The following MARCHF3 variants were observed in gnomAD, a reference collection of about 807,000 sequenced individuals.
MARCHF3 encodes membrane associated ring-CH-type finger 3.
Under a neutral mutation model 24.2 loss-of-function variants are expected in MARCHF3, and 13 were observed. The observed-to-expected ratio is 0.54, with a 90% CI of 0.35 to 0.85. The LOEUF is 0.85. Ranked by LOEUF, MARCHF3 falls within the 40% of genes least tolerant of loss-of-function variation. The pLI, the probability that MARCHF3 is intolerant of heterozygous loss-of-function variation, is 0.01. For missense variants in MARCHF3, 276 were observed against 325.0 expected, an observed-to-expected ratio of 0.85 and a Z score of 1.16; for synonymous variants, 144 against 137.3, an observed-to-expected ratio of 1.05 and a Z score of -0.34.
At chr5:126,941,532 A>AAC (rs1749830582) in intron 1 of MARCHF3, among the ~76,000 whole-genome samples, 1 of 152,214 alleles carries the variant, frequency 6.6e-6, no homozygotes, top group South Asian at 2.1e-4. Flanking sequence ...TCAAAACTGA[A>AAC]GTCAAAGTAT....
intron 1 of MARCHF3, among the ~76,000 whole-genome samples, chr5:126,933,445 C>CTT (rs1452737485): frequency 1.2e-4 from 17 of 137,946 alleles, no homozygotes; most frequent in Non-Finnish European, 1.4e-4. Flanking sequence ...TTTGGTATCT[C>CTT]TTTTTTTTTT....
chr5:126,943,407 G>A (rs1226908114), intron 1 of MARCHF3, among the ~76,000 whole-genome samples: 1 of 151,946 alleles, frequency 6.6e-6, no homozygotes, highest in Admixed American at 6.6e-5. Flanking sequence ...CGGAGATCCC[G>A]TCTATACAAA....
intron 3 of MARCHF3, among the ~76,000 whole-genome samples, chr5:126,900,995 C>T (rs1485794899): frequency 2.0e-5 from 3 of 152,018 alleles, no homozygotes; most frequent in Non-Finnish European, 2.9e-5. Flanking sequence ...CATGAGCCAC[C>T]GTGCCTGGAC....
At chr5:126,967,297 G>A (rs774267783) in intron 1 of MARCHF3, among the ~76,000 whole-genome samples, 10 of 152,172 alleles carry the variant, frequency 6.6e-5, no homozygotes, top group East Asian at 1.9e-4. Flanking sequence ...TGGCATACAC[G>A]ATATGCGATT....
chr5:126,946,763 T>TGTGTGG (rs767907091), intron 1 of MARCHF3, among the ~76,000 whole-genome samples: 3 of 120,002 alleles, frequency 2.5e-5, no homozygotes, highest in Non-Finnish European at 5.6e-5. Context: ...TAAGTAGGGG[T>TGTGTGG]GTGTGTGTGT....
intron 1 of MARCHF3, among the ~76,000 whole-genome samples, chr5:126,998,162 T>C (rs970272159): frequency 6.6e-6 from 1 of 152,200 alleles, no homozygotes; most frequent in Non-Finnish European, 1.5e-5. Flanking sequence ...ACAAGTAAAT[T>C]AGAAAACTCC....
At chr5:126,986,853 G>A (rs1055706252) in intron 1 of MARCHF3, among the ~76,000 whole-genome samples, 1 of 152,202 alleles carries the variant, frequency 6.6e-6, no homozygotes, top group African/African-American at 2.4e-5. Context: ...AAAAAGACAT[G>A]AGAGTGATGC....
At position 126,985,309 on chromosome 5, in the gene MARCHF3, T is replaced by C. The variant is rs913943961; in HGVS notation, c.-57+45041A>G. On this transcript the variant is annotated intron_variant, in intron 1 of 4. Transcript: ENST00000308660. ...TATTACTTTTCATCTGGTCATTTAA[T>C]TAAACCACAATCTGACTTTTGAAAA... Among the ~76,000 whole-genome samples, 19 of 152,156 alleles carry C rather than the reference T, an allele frequency of 1.2e-4. 1 individual carries two copies.
intron 3 of MARCHF3, among the ~76,000 whole-genome samples, chr5:126,891,111 C>T (rs1205928293): frequency 6.7e-6 from 1 of 150,012 alleles, no homozygotes; most frequent in Non-Finnish European, 1.5e-5. Context: ...TGTTCATGTC[C>T]TTCGCCCACT....
At chr5:126,988,651 C>CA (rs1751644680) in intron 1 of MARCHF3, among the ~76,000 whole-genome samples, 2 of 152,096 alleles carry the variant, frequency 1.3e-5, no homozygotes, top group Admixed American at 1.3e-4. Context: ...CAAAGATTAT[C>CA]ACTAGAAAAG....
intron 3 of MARCHF3, among the ~76,000 whole-genome samples, chr5:126,903,348 C>A (rs1203053103): frequency 6.6e-6 from 1 of 152,016 alleles, no homozygotes; most frequent in Non-Finnish European, 1.5e-5. Context: ...AAGTATTGAT[C>A]CAACACAATG....
rs555705412 is a variant in MARCHF3, at chr5:127,029,572, T to C, written c.-57+778A>G. The stretch of plus-strand genomic sequence containing the variant: ...TCAGGTTTAACCTTGAGTTCTCTGC[T>C]GTCAATTCCTGACTCAACTTCATCA... On this transcript the variant is annotated intron_variant, in intron 1 of 4. Coordinates refer to ENST00000308660, the MANE Select transcript of MARCHF3 (RefSeq NM_178450.5). Among the ~76,000 whole-genome samples the C allele has an allele frequency of 5.9e-5, 9 of 152,340 alleles. No individual in the cohort carries two copies. The East Asian group carries it at 1.7e-3, about 29-fold the overall frequency.
intron 3 of MARCHF3, among the ~76,000 whole-genome samples, chr5:126,885,331 G>A (rs1039388116): frequency 2.0e-5 from 3 of 152,172 alleles, no homozygotes; most frequent in African/African-American, 7.2e-5. Context: ...ACTTTGGGAG[G>A]CTGAGGCAGG....
At chr5:126,958,859 G>A (rs1229641012) in intron 1 of MARCHF3, among the ~76,000 whole-genome samples, 2 of 152,112 alleles carry the variant, frequency 1.3e-5, no homozygotes, top group African/African-American at 2.4e-5. Context: ...AAGTGAATGA[G>A]CTACCACTAA....
chr5:127,030,091 C>T (rs1753131485), intron 1 of MARCHF3: 1 of 152,212 alleles, frequency 6.6e-6, no homozygotes, highest in Non-Finnish European at 1.5e-5. Context: ...GGGGACGCGT[C>T]CCGGCCCCAC....
chr5:126,957,925 A>T (rs1007907157), intron 1 of MARCHF3, among the ~76,000 whole-genome samples: 1 of 152,084 alleles, frequency 6.6e-6, no homozygotes, highest in Non-Finnish European at 1.5e-5. Flanking sequence ...GTATTTATTC[A>T]AATTTTCTTT....
chr5:126,989,657 C>T (rs1335689899), intron 1 of MARCHF3, among the ~76,000 whole-genome samples: 2 of 152,124 alleles, frequency 1.3e-5, no homozygotes, highest in Non-Finnish European at 2.9e-5. Context: ...TTCAGCACTA[C>T]TGTGATCTGA....
rs1283253129 is a variant in MARCHF3 at position 126,870,849 on chromosome 5, T to A, written c.604-58A>T. The A allele has an allele frequency of 3.1e-6, 5 of 1,597,630 alleles. No individual in the cohort carries two copies. In the Admixed American group the frequency reaches 8.6e-5, roughly 27 times the overall value. ...AATTCAGGTCAGCAGAAGTGGATAA[T>A]CAATACAAGAAACAAATATGTCATT... On this transcript the variant is annotated intron_variant, in intron 4 of 4. Coordinates refer to ENST00000308660, the MANE Select transcript of MARCHF3 (RefSeq NM_178450.5).
chr5:126,988,825 A>G (rs1434687250), intron 1 of MARCHF3, among the ~76,000 whole-genome samples: 1 of 152,176 alleles, frequency 6.6e-6, no homozygotes, highest in Non-Finnish European at 1.5e-5. Flanking sequence ...TGTCCTTGGA[A>G]GGGAACCATG....
Sources: allele counts gnomAD v4.1 joint callset (sites outside exome capture counted in the v4.1 genomes callset), GRCh38; gene constraint gnomAD v4.1.1; transcripts MANE v1.5; gene names NCBI Gene and HGNC (gene_info 2026-07-23, HGNC 2026-07-21).